The following CBLN2 variants were observed in gnomAD, a reference collection of about 807,000 sequenced individuals.
The protein encoded by CBLN2 is cerebellin 2 precursor, also known as cerebellin-2.
Under a neutral mutation model 15.0 loss-of-function variants are expected in CBLN2, and 7 were observed. That is an observed-to-expected ratio of 0.47 (90% CI 0.27 to 0.88). CBLN2 has a LOEUF of 0.88. Among genes scored for constraint, CBLN2 ranks in the 40% least tolerant of loss-of-function variants. The probability of loss-of-function intolerance (pLI) is 0.14; values close to 1 mark genes in which losing one functional copy is unlikely to be tolerated. For synonymous variants in CBLN2, 149 were observed against 135.2 expected (o/e 1.10, Z -0.71); for missense variants, 242 against 304.5 (o/e 0.79, Z 1.53).
chr18:72,584,503 C>T (rs767662564), intron 1 of CBLN2, among the ~76,000 whole-genome samples: 3 of 151,852 alleles, frequency 2.0e-5, no homozygotes, highest in Non-Finnish European at 2.9e-5. Flanking sequence ...AGGGTTTCAC[C>T]GTGTTGGTCA....
intron 1 of CBLN2, among the ~76,000 whole-genome samples, chr18:72,563,953 A>G (rs544892189): frequency 3.7e-4 from 57 of 152,344 alleles, no homozygotes; most frequent in Non-Finnish European, 7.1e-4. Context: ...ATGTCATTCT[A>G]TGACGTTCTA....
chr18:72,548,972 G>A (rs2069175526), upstream of CBLN2, among the ~76,000 whole-genome samples: 2 of 151,978 alleles, frequency 1.3e-5, no homozygotes, highest in Admixed American at 1.3e-4. Flanking sequence ...TTACATGTCT[G>A]CATTTCTGTC....
intron 1 of CBLN2, among the ~76,000 whole-genome samples, chr18:72,574,857 A>C (rs370800984): frequency 6.6e-6 from 1 of 152,310 alleles, no homozygotes; most frequent in African/African-American, 2.4e-5. Context: ...CCTAGTGATA[A>C]ATTTGAAGGG....
chr18:72,563,859 T>C (rs1235594318), intron 1 of CBLN2, among the ~76,000 whole-genome samples: 1 of 152,222 alleles, frequency 6.6e-6, no homozygotes, highest in Non-Finnish European at 1.5e-5. Context: ...CCAATGGAGC[T>C]ATGACTGAGC....
chr18:72,558,880 C>G (rs1180089481), intron 1 of CBLN2, among the ~76,000 whole-genome samples: 1 of 152,042 alleles, frequency 6.6e-6, no homozygotes, highest in Non-Finnish European at 1.5e-5. Flanking sequence ...ATGGCAAAAC[C>G]CTGTCTCTAC....
rs17853471 is a variant in CBLN2 at position 72,541,942 on chromosome 18, C to T, written c.219G>A (p.Ser73=). The T allele has an allele frequency of 0.023, 36,367 of 1,607,626 alleles. 5,435 individuals are homozygous for T. In the East Asian group the frequency reaches 0.47, roughly 21 times the overall value. ...GGGAGGAGGTGACGGCGCCGTCCGC[C>T]GACGGGCTGGAGTCGCACACCACCA... The part of the protein sequence containing the change: ...KCLVVCDSSP[S]ADGAVTSSLG... The change falls in exon 3 of 5, where the codon TCG becomes TCA. Residue 73 remains serine, a synonymous_variant. Coordinates refer to ENST00000269503, the MANE Select transcript of CBLN2 (RefSeq NM_182511.4).
chr18:72,555,415 G>A (rs1246548802), intron 1 of CBLN2, among the ~76,000 whole-genome samples: 1 of 151,420 alleles, frequency 6.6e-6, no homozygotes, highest in Admixed American at 6.6e-5. Context: ...AGAAATTCAC[G>A]GTGAATATGT....
intron 1 of CBLN2, among the ~76,000 whole-genome samples, chr18:72,625,821 T>TAC (rs2069735313): frequency 1.4e-5 from 1 of 71,006 alleles, no homozygotes; most frequent in African/African-American, 7.0e-5. Flanking sequence ...TCTCTCTCTA[T>TAC]ATATATATAT....
At chr18:72,560,550 C>T (rs1317168667) in intron 1 of CBLN2, among the ~76,000 whole-genome samples, 1 of 152,184 alleles carries the variant, frequency 6.6e-6, no homozygotes, top group South Asian at 2.1e-4. Context: ...TCGCAAATTG[C>T]TCTCTGATTT....
intron 1 of CBLN2, among the ~76,000 whole-genome samples, chr18:72,582,790 CCAGTGGAAA>C (rs1349810808): frequency 2.0e-5 from 3 of 152,120 alleles, no homozygotes; most frequent in Non-Finnish European, 4.4e-5. Context: ...AGATTAAACC[CCAGTGGAAA>C]CATGAGACCT....
chr18:72,612,387 C>A (rs770092518), intron 1 of CBLN2, among the ~76,000 whole-genome samples: 4 of 152,176 alleles, frequency 2.6e-5, no homozygotes, highest in Non-Finnish European at 5.9e-5. Flanking sequence ...TGAACACTCA[C>A]ATTTGTTGTG....
chr18:72,562,475 C>T (rs72634438), intron 1 of CBLN2, among the ~76,000 whole-genome samples: 1 of 151,900 alleles, frequency 6.6e-6, no homozygotes, highest in Non-Finnish European at 1.5e-5. Context: ...TCCAAATGAC[C>T]CATTTAAGTA....
At chr18:72,635,361 T>C (rs1436035215) in intron 1 of CBLN2, among the ~76,000 whole-genome samples, 2 of 152,186 alleles carry the variant, frequency 1.3e-5, no homozygotes, top group South Asian at 4.1e-4. Flanking sequence ...AATTTGTTTT[T>C]ATTTTCTTAT....
intron 1 of CBLN2, among the ~76,000 whole-genome samples, chr18:72,566,675 A>G (rs1005650124): frequency 3.9e-5 from 6 of 152,142 alleles, no homozygotes; most frequent in Non-Finnish European, 7.4e-5. Flanking sequence ...AAGAGAAGAG[A>G]TTTGTTAATG....
intron 1 of CBLN2, among the ~76,000 whole-genome samples, chr18:72,636,719 A>G (rs1011624158): frequency 6.6e-6 from 1 of 152,208 alleles, no homozygotes; most frequent in Non-Finnish European, 1.5e-5. Flanking sequence ...CATTTAGAAG[A>G]AATTCCATGG....
At chr18:72,627,674 A>T (rs1024794920) in intron 1 of CBLN2, among the ~76,000 whole-genome samples, 2 of 152,248 alleles carry the variant, frequency 1.3e-5, no homozygotes, top group African/African-American at 4.8e-5. Flanking sequence ...TGATCAAAAT[A>T]TGCGCAAGCA....
At chr18:72,605,516 C>A (rs1424296232) in intron 1 of CBLN2, among the ~76,000 whole-genome samples, 1 of 152,168 alleles carries the variant, frequency 6.6e-6, no homozygotes, top group African/African-American at 2.4e-5. Flanking sequence ...ATGCATTTTT[C>A]TAACTTTAGT....
intron 1 of CBLN2, among the ~76,000 whole-genome samples, chr18:72,596,781 TG>T (rs2069516681): frequency 6.6e-6 from 1 of 152,246 alleles, no homozygotes; most frequent in Non-Finnish European, 1.5e-5. Flanking sequence ...AGAAATCTGC[TG>T]CCAGATGTAT....
chr18:72,607,687 CTCTCTCTT>C (rs1437142133), intron 1 of CBLN2, among the ~76,000 whole-genome samples: 36 of 152,048 alleles, frequency 2.4e-4, no homozygotes, highest in African/African-American at 7.5e-4. Flanking sequence ...ACCTCTCTCT[CTCTCTCTT>C]TCTCTCTTTC....
Sources: gnomAD v4.1 joint callset for allele counts (sites outside exome capture counted in the v4.1 genomes callset) on GRCh38, gnomAD v4.1.1 for gene constraint, MANE v1.5 for transcripts, NCBI Gene and HGNC (gene_info 2026-07-23, HGNC 2026-07-21) for gene names.